The following HRH1 variants were observed in gnomAD, a reference collection of about 807,000 sequenced individuals.
HRH1 encodes the protein histamine receptor H1.
In HRH1, 6 loss-of-function variants were observed where a neutral mutation model predicts 10.3. The ratio of observed to expected loss-of-function variants is 0.58; its 90% CI spans 0.32 to 1.15. The LOEUF (loss-of-function observed/expected upper bound fraction) is 1.15, where lower values mean the gene tolerates loss of function less well. Among genes scored for constraint, HRH1 ranks in the 50% most tolerant of loss-of-function variants. The pLI, the probability that HRH1 is intolerant of heterozygous loss-of-function variation, is 0.05. For synonymous variants in HRH1, 242 were observed against 236.7 expected, an observed-to-expected ratio of 1.02 and a Z score of -0.21; for missense variants, 514 against 615.3, an observed-to-expected ratio of 0.84 and a Z score of 1.74.
Position 11,181,275 on chromosome 3 carries a change from C to A in HRH1, c.-36+26721C>A, listed in dbSNP as rs751504314. Among the ~76,000 whole-genome samples, 85 of 152,134 alleles carry A rather than the reference C, an allele frequency of 5.6e-4. 1 individual carries two copies. Among genetic ancestry groups the A allele is most frequent in the Non-Finnish European group, 1.0e-3 (70 of 68,006 alleles). On this transcript the variant is annotated intron_variant, in intron 1 of 1. Transcript: ENST00000431010. ...CTCCAGCCTGGGTGACAGAGCGAGACCCTGTCTCCAAAAAATAGTAATAAT... is the reference window on the plus strand; with the variant it reads ...CTCCAGCCTGGGTGACAGAGCGAGAACCTGTCTCCAAAAAATAGTAATAAT...
chr3:11,226,879 T>C (rs1463780163), intron 1 of HRH1, among the ~76,000 whole-genome samples: 1 of 108,070 alleles, frequency 9.3e-6, no homozygotes, highest in Non-Finnish European at 1.9e-5. Flanking sequence ...AGAGCAAGAC[T>C]CAGTCTAAAA....
At chr3:11,202,317 A>C (rs1410420255) in intron 1 of HRH1, among the ~76,000 whole-genome samples, 1 of 151,924 alleles carries the variant, frequency 6.6e-6, no homozygotes, top group East Asian at 1.9e-4. Context: ...AGGCAGGAGA[A>C]TCACTTGAAC....
At chr3:11,183,109 A>C (rs1937388684) in intron 1 of HRH1, among the ~76,000 whole-genome samples, 1 of 152,208 alleles carries the variant, frequency 6.6e-6, no homozygotes, top group Admixed American at 6.5e-5. Flanking sequence ...ACTGGAGCTG[A>C]AACTTTCTAA....
At chr3:11,181,100 T>C (rs140236890) in intron 1 of HRH1, among the ~76,000 whole-genome samples, 2,099 of 151,902 alleles carry the variant, frequency 0.014, 59 homozygotes, top group African/African-American at 0.049. Flanking sequence ...CTGGGCAATA[T>C]GGCAAAATCC....
chr3:11,148,734 T>C (rs1289459058), intron 1 of HRH1, among the ~76,000 whole-genome samples: 3 of 152,016 alleles, frequency 2.0e-5, no homozygotes, highest in East Asian at 1.9e-4. Flanking sequence ...GGCTGCACCT[T>C]GCTACAAGGG....
At chr3:11,151,475 A>G (rs774343270), upstream of HRH1, among the ~76,000 whole-genome samples, 5 of 149,382 alleles carry the variant, frequency 3.3e-5, no homozygotes, top group African/African-American at 5.1e-5. Context: ...CAATCAAAAG[A>G]AACATCATGA....
At chr3:11,154,230 C>G (rs1025829163), upstream of HRH1, among the ~76,000 whole-genome samples, 3 of 152,266 alleles carry the variant, frequency 2.0e-5, no homozygotes, top group South Asian at 2.1e-4. This position sits in a 1 kb window ranked among gnomAD's most constrained non-coding sequence, Gnocchi z 4.4. Context: ...TCGCAGAGCC[C>G]GAGCCCGGGT....
chr3:11,143,172 G>T (rs1352560133), intron 1 of HRH1, among the ~76,000 whole-genome samples: 1 of 152,068 alleles, frequency 6.6e-6, no homozygotes, highest in Non-Finnish European at 1.5e-5. Flanking sequence ...TCTAAGTGGG[G>T]TGTTTCTAAG....
At chr3:11,217,686 C>T (rs1938559285) in intron 1 of HRH1, among the ~76,000 whole-genome samples, 1 of 152,148 alleles carries the variant, frequency 6.6e-6, no homozygotes, top group African/African-American at 2.4e-5. Context: ...CATTGCTGAT[C>T]TGTACACTTT....
At position 11,172,266 on chromosome 3, in the gene HRH1, T is replaced by G. The variant is rs368824573; in HGVS notation, c.-36+17712T>G. On this transcript the variant is annotated intron_variant, in intron 1 of 1. Coordinates refer to ENST00000431010, the MANE Select transcript of HRH1 (RefSeq NM_001098212.2). The stretch of plus-strand genomic sequence containing the variant: ...GAGTGGCAATGAAAGTCTGGAGATC[T>G]CAGGGTGGAGGTGCAGGGGCCCAAG... 1.1e-4 allele frequency among the ~76,000 whole-genome samples: 17 copies of G among 152,328 alleles called. No individual in the cohort carries two copies. In the South Asian group the frequency reaches 3.5e-3, roughly 32 times the overall value.
At chr3:11,199,570 C>T (rs1035217359) in intron 1 of HRH1, among the ~76,000 whole-genome samples, 1 of 152,190 alleles carries the variant, frequency 6.6e-6, no homozygotes, top group South Asian at 2.1e-4. Flanking sequence ...TTCCCTGCTG[C>T]AACACCTGTC....
intron 1 of HRH1, among the ~76,000 whole-genome samples, chr3:11,202,411 TA>T: frequency 6.9e-6 from 1 of 144,974 alleles, no homozygotes; most frequent in East Asian, 2.1e-4. Flanking sequence ...TCTCAATAAA[TA>T]AATAAATAAA....
intron 1 of HRH1, among the ~76,000 whole-genome samples, chr3:11,247,593 G>A (rs1386238706): frequency 6.6e-6 from 1 of 151,958 alleles, no homozygotes; most frequent in Non-Finnish European, 1.5e-5. Flanking sequence ...GGCAAAGGCG[G>A]GAAGGTTGTT....
intron 1 of HRH1, among the ~76,000 whole-genome samples, chr3:11,246,774 T>A (rs1575040518): frequency 6.6e-6 from 1 of 152,148 alleles, no homozygotes. Flanking sequence ...CTGGGCACGG[T>A]GACTCACCCA....
chr3:11,179,326 G>T (rs1235384540), intron 1 of HRH1, among the ~76,000 whole-genome samples: 3 of 151,412 alleles, frequency 2.0e-5, no homozygotes, highest in Non-Finnish European at 4.4e-5. Flanking sequence ...ATTTAAAAAA[G>T]AAAGTCAGCC....
At chr3:11,147,033 A>G (rs6776516) in intron 1 of HRH1, among the ~76,000 whole-genome samples, 21,666 of 152,192 alleles carry the variant, frequency 0.14, 1,770 homozygotes, top group East Asian at 0.3. Flanking sequence ...AAAGGTTAAG[A>G]TTTCCTCGCG....
At chr3:11,214,148 G>A (rs190454514) in intron 1 of HRH1, among the ~76,000 whole-genome samples, 2 of 152,182 alleles carry the variant, frequency 1.3e-5, no homozygotes, top group African/African-American at 2.4e-5. Context: ...GCAAACAGGA[G>A]GGGGAGGGGA....
intron 1 of HRH1, among the ~76,000 whole-genome samples, chr3:11,181,982 T>G (rs770378743): frequency 6.6e-6 from 1 of 151,748 alleles, no homozygotes; most frequent in South Asian, 2.1e-4. Flanking sequence ...TGCATAAAAA[T>G]TCTTTCTTTT....
Position 11,177,279 on chromosome 3 carries a change from A to T in HRH1, c.-36+22725A>T, listed in dbSNP as rs1937267123. 2.0e-5 allele frequency among the ~76,000 whole-genome samples: 3 copies of T among 151,648 alleles called. No individual in the cohort carries two copies. In the South Asian group the frequency reaches 6.2e-4, roughly 31 times the overall value. On this transcript the variant is annotated intron_variant, in intron 1 of 1. Coordinates refer to ENST00000431010, the MANE Select transcript of HRH1 (RefSeq NM_001098212.2). ...TAAATAAATAAATAAATAAATAAAT[A>T]AATAAAGTTAAGCTTGTAATTTTAG... is the stretch of plus-strand genomic sequence containing the variant.
Sources: gnomAD v4.1 joint callset for allele counts (sites outside exome capture counted in the v4.1 genomes callset) on GRCh38, gnomAD v4.1.1 for gene constraint, Gnocchi (gnomAD v3.1) non-coding constraint, MANE v1.5 for transcripts, NCBI Gene and HGNC (gene_info 2026-07-23, HGNC 2026-07-21) for gene names.